The following RYR2 variants were observed in gnomAD, a reference collection of about 807,000 sequenced individuals.
RYR2 encodes the protein cardiac muscle ryanodine receptor-calcium release channel.
RYR2 carries 227 observed loss-of-function variants against 601.1 expected under a neutral mutation model. The observed-to-expected ratio is 0.38, with a 90% CI of 0.34 to 0.42. RYR2 has a LOEUF of 0.42. Ranked by LOEUF, RYR2 falls within the 10% of genes least tolerant of loss-of-function variation. The probability of loss-of-function intolerance (pLI) is 1.00; values close to 1 mark genes in which losing one functional copy is unlikely to be tolerated. For synonymous variants in RYR2, 2,223 were observed against 2,175.1 expected (o/e 1.02, Z -0.61); for missense variants, 4,646 against 6,156.5 (o/e 0.75, Z 8.21).
At chr1:237,185,742 C>G (rs1209638049) in intron 1 of RYR2, among the ~76,000 whole-genome samples, 1 of 152,126 alleles carries the variant, frequency 6.6e-6, no homozygotes, top group Non-Finnish European at 1.5e-5. Flanking sequence ...TGTGGAAATT[C>G]TCAAGGCTAT....
Position 237,106,526 on chromosome 1 carries a change from T to C in RYR2, c.48+63957T>C, listed in dbSNP as rs1429597087. Among the ~76,000 whole-genome samples the C allele has an allele frequency of 6.6e-6, 1 of 152,114 alleles. No homozygotes were observed. Among genetic ancestry groups the C allele is most frequent in the African/African-American group, 2.4e-5 (1 of 41,436 alleles). On this transcript the variant is annotated intron_variant, in intron 1 of 104. Transcript: ENST00000366574. This position sits in a 1 kb window ranked among gnomAD's most constrained non-coding sequence, Gnocchi z 4.4. ...CTGGAAAGAGTGAAGATCAAGAGTT[T>C]CATTCTGGAAATGTGGGGGTTTTCG...
intron 1 of RYR2, among the ~76,000 whole-genome samples, chr1:237,135,009 C>T (rs868153359): frequency 3.3e-5 from 5 of 152,098 alleles, no homozygotes; most frequent in Non-Finnish European, 5.9e-5. Context: ...GCTGATAACT[C>T]GAAAATGCAG....
chr1:237,817,366 C>T (rs1661950088), intron 100 of RYR2, among the ~76,000 whole-genome samples: 2 of 152,126 alleles, frequency 1.3e-5, no homozygotes, highest in Non-Finnish European at 2.9e-5. Flanking sequence ...TTTAAAGTGT[C>T]CTGAGAATGT....
chr1:237,515,672 TTTCC>T (rs71180028), intron 24 of RYR2, among the ~76,000 whole-genome samples: 4,250 of 104,782 alleles, frequency 0.041, 148 homozygotes, highest in Middle Eastern at 0.11. Context: ...CCTCCCTTTT[TTTCC>T]TTCCTTCCTT....
intron 32 of RYR2, among the ~76,000 whole-genome samples, chr1:237,592,678 A>G (rs544602374): frequency 6.6e-6 from 1 of 150,942 alleles, no homozygotes; most frequent in South Asian, 2.1e-4. Context: ...TATGTGTCAG[A>G]GAAAGGAAAG....
At chr1:237,369,434 C>G (rs1700464110) in intron 5 of RYR2, 100 bp from the exon 6 acceptor site, 1 of 987,068 alleles carries the variant, frequency 1.0e-6, no homozygotes, top group South Asian at 1.4e-5. Flanking sequence ...TTCTTTCCTA[C>G]TAACGTTCCT....
chr1:237,638,122 A>G (rs1322119821), intron 44 of RYR2, among the ~76,000 whole-genome samples: 1 of 152,086 alleles, frequency 6.6e-6, no homozygotes, highest in East Asian at 1.9e-4. Context: ...AAAAGCTTAT[A>G]GTAGGATCAT....
chr1:237,574,080 G>T (rs565826310), intron 29 of RYR2, among the ~76,000 whole-genome samples: 1 of 152,280 alleles, frequency 6.6e-6, no homozygotes, highest in South Asian at 2.1e-4. Flanking sequence ...AGGCCGCATT[G>T]TCTATGTGGC....
chr1:237,239,057 C>T (rs1026557652), intron 1 of RYR2, among the ~76,000 whole-genome samples: 3 of 152,090 alleles, frequency 2.0e-5, no homozygotes, highest in African/African-American at 4.8e-5. Flanking sequence ...ATATTTTAAA[C>T]AATTAAGGCA....
intron 34 of RYR2, 22 bp downstream of exon 34, chr1:237,595,679 C>G (rs1448218504): frequency 1.3e-6 from 2 of 1,588,614 alleles, no homozygotes; most frequent in East Asian, 4.6e-5. Context: ...GTGATGATAT[C>G]AGTCTTCTAG....
intron 3 of RYR2, among the ~76,000 whole-genome samples, chr1:237,332,068 C>G (rs1696799043): frequency 6.6e-6 from 1 of 152,006 alleles, no homozygotes; most frequent in South Asian, 2.1e-4. Context: ...AGAGAGAAAA[C>G]TGAAAATTTT....
At chr1:237,513,177 G>A (rs534989611) in intron 24 of RYR2, among the ~76,000 whole-genome samples, 2 of 152,086 alleles carry the variant, frequency 1.3e-5, no homozygotes, top group Non-Finnish European at 2.9e-5. Context: ...CTTTGCAGAC[G>A]GAATAATGGG....
intron 1 of RYR2, among the ~76,000 whole-genome samples, chr1:237,117,158 T>C (rs77980124): frequency 0.085 from 12,891 of 151,962 alleles, 895 homozygotes; most frequent in Non-Finnish European, 0.12. Flanking sequence ...AAAAAGATGA[T>C]GGAGAAGGAA....
At chr1:237,697,161 C>T (rs1468927245) in intron 63 of RYR2, among the ~76,000 whole-genome samples, 4 of 147,686 alleles carry the variant, frequency 2.7e-5, no homozygotes, top group African/African-American at 7.5e-5. Flanking sequence ...CATTTTTTGC[C>T]TCAGAGCCTT....
chr1:237,140,640 T>G (rs1318321192), intron 1 of RYR2, among the ~76,000 whole-genome samples: 1 of 152,244 alleles, frequency 6.6e-6, no homozygotes, highest in Non-Finnish European at 1.5e-5. Flanking sequence ...CAGGCACTCC[T>G]AGTTGGTGGA....
At chr1:237,132,534 A>T (rs150235666) in intron 1 of RYR2, among the ~76,000 whole-genome samples, 5 of 152,358 alleles carry the variant, frequency 3.3e-5, no homozygotes, top group Non-Finnish European at 5.9e-5. Flanking sequence ...CAGACTGGAC[A>T]CTTCAGAGGC....
At chr1:237,288,684 C>G (rs1245701316) in intron 2 of RYR2, among the ~76,000 whole-genome samples, 3 of 152,116 alleles carry the variant, frequency 2.0e-5, no homozygotes, top group African/African-American at 7.2e-5. Flanking sequence ...AGCCCTGAGT[C>G]TGTTTCCAGG....
chr1:237,191,245 C>T (rs1356716855), intron 1 of RYR2, among the ~76,000 whole-genome samples: 1 of 152,074 alleles, frequency 6.6e-6, no homozygotes, highest in Non-Finnish European at 1.5e-5. Context: ...TATTTCCAGG[C>T]TCTCTATTCT....
intron 27 of RYR2, among the ~76,000 whole-genome samples, chr1:237,566,222 C>A (rs1672066720): frequency 6.6e-6 from 1 of 152,090 alleles, no homozygotes; most frequent in South Asian, 2.1e-4. Context: ...TTATTGACTT[C>A]TTTCCATCTC....
Sources: gnomAD v4.1 joint callset for allele counts (sites outside exome capture counted in the v4.1 genomes callset) on GRCh38, gnomAD v4.1.1 for gene constraint, Gnocchi (gnomAD v3.1) non-coding constraint, MANE v1.5 for transcripts, NCBI Gene and HGNC (gene_info 2026-07-23, HGNC 2026-07-21) for gene names.